Variants in KYAT3 observed in about 807,000 individuals in gnomAD.
The protein encoded by KYAT3 is kynurenine aminotransferase 3, also known as kynurenine--oxoglutarate transaminase 3.
KYAT3 carries 50 observed loss-of-function variants against 59.0 expected under a neutral mutation model. That is an observed-to-expected ratio of 0.85 (90% CI 0.68 to 1.07). The LOEUF (loss-of-function observed/expected upper bound fraction) is 1.07, where lower values mean the gene tolerates loss of function less well. Ranked by LOEUF, KYAT3 falls within the 50% of genes least tolerant of loss-of-function variation. The pLI is 0.00. For synonymous variants in KYAT3, 148 were observed against 177.0 expected (o/e 0.84, Z 1.30); for missense variants, 497 against 533.3 (o/e 0.93, Z 0.67).
intron 4 of KYAT3, among the ~76,000 whole-genome samples, chr1:88,965,353 C>T (rs560448842): frequency 3.9e-5 from 6 of 152,282 alleles, no homozygotes; most frequent in African/African-American, 1.2e-4. Flanking sequence ...CCCACTTTAA[C>T]TGTATACCCA....
chr1:88,926,526 G>A, the KYAT3 span, among the ~76,000 whole-genome samples: 2 of 152,158 alleles, frequency 1.3e-5, no homozygotes, highest in Admixed American at 1.3e-4. Flanking sequence ...GTGTTGCCCA[G>A]GCTGGTCGCA....
chr1:88,980,121 A>G (rs1677007867), intron 2 of KYAT3: 1 of 152,298 alleles, frequency 6.6e-6, no homozygotes, highest in Non-Finnish European at 1.5e-5. Flanking sequence ...CACAAAGCAA[A>G]CTAATATATG....
intron 2 of KYAT3, among the ~76,000 whole-genome samples, chr1:88,978,348 CTT>C (rs1210211317): frequency 4.7e-5 from 7 of 148,850 alleles, no homozygotes; most frequent in African/African-American, 1.7e-4. Flanking sequence ...GTTGTGGTGT[CTT>C]TTTTTTTTGA....
At chr1:88,983,921 G>A (rs1442622046) in intron 2 of KYAT3, 52 of 1,435,738 alleles carry the variant, frequency 3.6e-5, no homozygotes, top group East Asian at 1.8e-4. Context: ...CACCAGTGGC[G>A]GCTGTCAGTT....
At chr1:88,982,934 C>T (rs749115279) in intron 2 of KYAT3, 4 of 1,613,938 alleles carry the variant, frequency 2.5e-6, no homozygotes, top group Middle Eastern at 1.7e-4. Flanking sequence ...CGGGGGCCCT[C>T]GTGTAAGTGG....
chr1:88,936,622 T>C (rs1233848129), intron 13 of KYAT3, among the ~76,000 whole-genome samples: 1 of 152,216 alleles, frequency 6.6e-6, no homozygotes, highest in Non-Finnish European at 1.5e-5. Context: ...TCCTTATTTG[T>C]GAACTTCACA....
chr1:88,930,753 C>A, the KYAT3 span, among the ~76,000 whole-genome samples: 1 of 152,188 alleles, frequency 6.6e-6, no homozygotes, highest in Non-Finnish European at 1.5e-5. Flanking sequence ...GAATTCCCAA[C>A]TTCCGAGGGA....
the KYAT3 span, among the ~76,000 whole-genome samples, chr1:88,924,472 C>T: frequency 6.6e-6 from 1 of 152,140 alleles, no homozygotes; most frequent in African/African-American, 2.4e-5. Context: ...AAAAAAAATT[C>T]CTTTGTTCAA....
intron 1 of KYAT3, among the ~76,000 whole-genome samples, chr1:88,990,000 G>C (rs1677692371): frequency 6.6e-6 from 1 of 152,106 alleles, no homozygotes; most frequent in South Asian, 2.1e-4. Flanking sequence ...GTCTCCCATA[G>C]TCCAAAATGA....
chr1:88,983,036 T>C, intron 2 of KYAT3: 1 of 1,612,670 alleles, frequency 6.2e-7, no homozygotes, highest in African/African-American at 1.3e-5. Flanking sequence ...ACCATATCCA[T>C]CTCTATCGCC....
intron 2 of KYAT3, among the ~76,000 whole-genome samples, chr1:88,970,032 G>C (rs993638372): frequency 2.6e-5 from 4 of 152,110 alleles, no homozygotes; most frequent in Non-Finnish European, 5.9e-5. Context: ...TCCTACCCTA[G>C]AAAGCTAATC....
intron 1 of KYAT3, 95 bp from the exon 2 acceptor site, chr1:88,988,446 C>T (rs969150554): frequency 4.9e-5 from 31 of 636,116 alleles, no homozygotes; most frequent in Middle Eastern, 3.1e-4. Context: ...CATAAGCTTA[C>T]GTAAAATCCA....
chr1:88,961,525 G>C lies in KYAT3; in HGVS notation c.541-19C>G. 6.3e-7 allele frequency: 1 copy of C among 1,594,210 alleles called. No homozygotes were observed. Reference sequence around the variant, plus strand: ...CAGGTTTCTAAGCATGAAGAATGAAGATATAATTTAATTCAATTAAGTCAT... The same window carrying C: ...CAGGTTTCTAAGCATGAAGAATGAACATATAATTTAATTCAATTAAGTCAT... On this transcript the variant is annotated intron_variant, in intron 6 of 13. Transcript: ENST00000260508.
chr1:88,947,580 T>C (rs1160762286), intron 11 of KYAT3, among the ~76,000 whole-genome samples: 1 of 152,174 alleles, frequency 6.6e-6, no homozygotes, highest in Non-Finnish European at 1.5e-5. Context: ...CATCAGGCCA[T>C]CTGCCAGGAT....
At chr1:88,939,075 T>C (rs1675143114) in intron 13 of KYAT3, among the ~76,000 whole-genome samples, 2 of 152,188 alleles carry the variant, frequency 1.3e-5, no homozygotes, top group Non-Finnish European at 2.9e-5. Context: ...GAGAGTGTTT[T>C]ATGAAACTTT....
chr1:88,928,135 G>A, the KYAT3 span, among the ~76,000 whole-genome samples: 1 of 152,166 alleles, frequency 6.6e-6, no homozygotes, highest in African/African-American at 2.4e-5. Flanking sequence ...CACAGGGAAA[G>A]GAAGAAAATC....
chr1:88,949,290 A>T lies in KYAT3; in HGVS notation c.955-13T>A. 1.3e-6 allele frequency: 2 copies of T among 1,520,962 alleles called. No individual in the cohort carries two copies. The highest frequency in any genetic ancestry group is 1.8e-6 in the Non-Finnish European group (2 of 1,139,794). 94.2% of individuals were successfully genotyped at this position (1,520,962 alleles called of 1,614,324 possible). On this transcript the variant is annotated splice_polypyrimidine_tract_variant and intron_variant, in intron 10 of 13. Coordinates refer to ENST00000260508, the MANE Select transcript of KYAT3 (RefSeq NM_001008661.3). ...GAGCCAAGGCTTCCTGTTTGTTAAG[A>T]ATCAAAAAATATGAAAAGGCATATG... is the stretch of plus-strand genomic sequence containing the variant.
rs569367203 is a variant in KYAT3 at position 88,971,465 on chromosome 1, G to T, written c.100-1998C>A. On this transcript the variant is annotated intron_variant, in intron 2 of 13. Coordinates refer to ENST00000260508, the MANE Select transcript of KYAT3 (RefSeq NM_001008661.3). ...TCTTTCTATACCAATGTTTCTCAAT[G>T]TTTTTTTTTATTATTGCCCACCTAA... Among the ~76,000 whole-genome samples the T allele has an allele frequency of 2.6e-5, 4 of 151,124 alleles. No individual in the cohort carries two copies. In the East Asian group the frequency reaches 7.8e-4, roughly 29 times the overall value.
intron 4 of KYAT3, 140 bp downstream of exon 4, chr1:88,968,530 T>C: frequency 3.3e-6 from 2 of 598,104 alleles, no homozygotes; most frequent in South Asian, 3.4e-5. Context: ...AGGGCAGAAG[T>C]TTCTGTGGTT....
Sources: gnomAD v4.1 joint callset for allele counts (sites outside exome capture counted in the v4.1 genomes callset) on GRCh38, gnomAD v4.1.1 for gene constraint, MANE v1.5 for transcripts, NCBI Gene and HGNC (gene_info 2026-07-23, HGNC 2026-07-21) for gene names.